SPATA13: variants seen among roughly 807,000 people sequenced by gnomAD.
SPATA13 encodes the protein spermatogenesis associated 13.
In SPATA13, 50 loss-of-function variants were observed where a neutral mutation model predicts 104.0. The ratio of observed to expected loss-of-function variants is 0.48; its 90% CI spans 0.38 to 0.61. SPATA13 has a LOEUF of 0.61. Among genes scored for constraint, SPATA13 ranks in the 20% least tolerant of loss-of-function variants. The probability of loss-of-function intolerance (pLI) is 0.00; values close to 1 mark genes in which losing one functional copy is unlikely to be tolerated. For synonymous variants in SPATA13, 606 were observed against 667.5 expected, an observed-to-expected ratio of 0.91 and a Z score of 1.42; for missense variants, 1,524 against 1,690.6, an observed-to-expected ratio of 0.90 and a Z score of 1.73.
Position 24,189,825 on chromosome 13 carries a change from A to AT in SPATA13, c.-112+28894dup, listed in dbSNP as rs1869465672. ...TATTTATATAATATATTATAAATAT[A>AT]TATAAAATGATATTTAATATATTAT... On this transcript the variant is annotated intron_variant, in intron 1 of 12. Transcript: ENST00000382108. Among the ~76,000 whole-genome samples, 2 of 49,520 alleles carry AT rather than the reference A, an allele frequency of 4.0e-5. 1 individual carries two copies. 32.5% of individuals were successfully genotyped at this position (49,520 alleles called of 152,430 possible).
At position 24,246,275 on chromosome 13, in the gene SPATA13, A is replaced by G. The variant is rs145195183; in HGVS notation, c.1654-3202A>G. Reference sequence around the variant, plus strand: ...GTAATTGGGTTTATTCTCACTATGTACTTAAGTTGTCTGTGCCATTTGATT... The same window carrying G: ...GTAATTGGGTTTATTCTCACTATGTGCTTAAGTTGTCTGTGCCATTTGATT... On this transcript the variant is annotated intron_variant, in intron 2 of 12. Transcript: ENST00000382108. 3.7e-3 allele frequency among the ~76,000 whole-genome samples: 569 copies of G among 152,298 alleles called. 3 individuals are homozygous for G. Among genetic ancestry groups the G allele is most frequent in the African/African-American group, 0.013 (545 of 41,558 alleles).
Position 24,303,120 on chromosome 13 carries a change from C to G in SPATA13, c.*347C>G. The stretch of plus-strand genomic sequence containing the variant: ...TGATGAGCAAGTGCCTGCTGCAGGT[C>G]CAAACACAGCATCCAGGGCTTTGCA... On this transcript the variant is annotated 3_prime_UTR_variant, in exon 13 of 13. Transcript: ENST00000382108. The G allele has an allele frequency of 2.6e-6, 1 of 385,068 alleles. No individual in the cohort carries two copies. The highest frequency in any genetic ancestry group is 5.0e-6 in the Non-Finnish European group (1 of 199,462). The allele number at this position is 385,068 out of a possible 1,614,324, so 23.9% of individuals were successfully genotyped here.
intron 1 of SPATA13, among the ~76,000 whole-genome samples, chr13:24,193,413 T>G (rs1176877438): frequency 6.6e-6 from 1 of 152,168 alleles, no homozygotes; most frequent in Admixed American, 6.5e-5. Flanking sequence ...GGGGGCCTGG[T>G]GAGCAGATGC....
intron 3 of SPATA13, among the ~76,000 whole-genome samples, chr13:24,092,770 A>C (rs1175095574): frequency 6.6e-6 from 1 of 152,218 alleles, no homozygotes; most frequent in Admixed American, 6.5e-5. Flanking sequence ...CTTATAAAAA[A>C]AGTAGATTTC....
At chr13:24,214,419 A>C (rs528884176) in intron 1 of SPATA13, among the ~76,000 whole-genome samples, 2 of 152,356 alleles carry the variant, frequency 1.3e-5, no homozygotes, top group East Asian at 3.8e-4. Context: ...CCATGAGAAT[A>C]ATTAATATTT....
intron 2 of SPATA13, among the ~76,000 whole-genome samples, chr13:24,237,400 G>A (rs557303367): frequency 1.6e-4 from 25 of 152,200 alleles, no homozygotes; most frequent in African/African-American, 5.8e-4. Flanking sequence ...CTGCAGCATG[G>A]CTGAACCTTG....
chr13:24,277,797 A>G (rs7982475), intron 4 of SPATA13, among the ~76,000 whole-genome samples: 39,693 of 152,034 alleles, frequency 0.26, 5,708 homozygotes, highest in African/African-American at 0.38. Context: ...GTCCTTTAAG[A>G]TGGTAAGCGA....
chr13:24,254,926 T>C (rs1873707577), intron 4 of SPATA13, among the ~76,000 whole-genome samples: 1 of 152,154 alleles, frequency 6.6e-6, no homozygotes, highest in African/African-American at 2.4e-5. Context: ...TGATGATTGA[T>C]TAGCCTCTCT....
At chr13:24,272,166 C>T (rs1273647262) in intron 4 of SPATA13, among the ~76,000 whole-genome samples, 4 of 152,280 alleles carry the variant, frequency 2.6e-5, no homozygotes, top group African/African-American at 7.2e-5. Context: ...GCAGCCAGCA[C>T]GAACGGGCAG....
chr13:24,010,743 C>T (rs1372184027), intron 2 of SPATA13, among the ~76,000 whole-genome samples: 2 of 152,016 alleles, frequency 1.3e-5, no homozygotes, highest in Non-Finnish European at 2.9e-5. Flanking sequence ...CTCCATGGGG[C>T]AATTCACCCA....
intron 1 of SPATA13, among the ~76,000 whole-genome samples, chr13:24,209,765 T>C (rs964037543): frequency 2.0e-5 from 3 of 151,920 alleles, no homozygotes; most frequent in Non-Finnish European, 4.4e-5. Flanking sequence ...TGATTTCGTT[T>C]TTTTGGATAT....
In SPATA13 at chr13:24,160,798, G is replaced by C. The variant is rs1882440271; in HGVS notation, c.-246G>C. 1.0e-6 allele frequency: 1 copy of C among 985,374 alleles called. No homozygotes were observed. The highest frequency in any genetic ancestry group is 4.7e-5 in the South Asian group (1 of 21,294). The allele number at this position is 985,374 out of a possible 1,614,324, so 61.0% of individuals were successfully genotyped here. On this transcript the variant is annotated 5_prime_UTR_variant, in exon 1 of 13. Coordinates refer to ENST00000382108, the MANE Select transcript of SPATA13 (RefSeq NM_001166271.3). The stretch of plus-strand genomic sequence containing the variant: ...TCGCCCTGCCGGTCGCTAGCTCCGA[G>C]GGCGCGCACTGGATCCCAGGCTCCT...
intron 3 of SPATA13, among the ~76,000 whole-genome samples, chr13:24,027,186 G>A (rs1268112568): frequency 6.9e-6 from 1 of 144,458 alleles, no homozygotes; most frequent in Non-Finnish European, 1.5e-5. Context: ...CCAGGCTGGA[G>A]TGCAGTGGCA....
At chr13:24,032,072 A>G (rs1195205652) in intron 3 of SPATA13, among the ~76,000 whole-genome samples, 1 of 152,200 alleles carries the variant, frequency 6.6e-6, no homozygotes, top group East Asian at 1.9e-4. Flanking sequence ...AAGTCAGTTT[A>G]GTAAGAACAC....
At chr13:23,991,243 CT>C (rs1186796021) in intron 2 of SPATA13, among the ~76,000 whole-genome samples, 2 of 152,192 alleles carry the variant, frequency 1.3e-5, no homozygotes, top group Non-Finnish European at 2.9e-5. Context: ...CCTGTGCTGT[CT>C]TTTCTTTGTA....
Position 24,051,015 on chromosome 13 carries a change from G to C in SPATA13, c.-112+33314G>C, listed in dbSNP as rs555269972. Among the ~76,000 whole-genome samples the C allele has an allele frequency of 6.6e-6, 1 of 152,220 alleles. No individual in the cohort carries two copies. The highest frequency in any genetic ancestry group is 1.5e-5 in the Non-Finnish European group (1 of 68,040). On this transcript the variant is annotated intron_variant, in intron 3 of 14. Coordinates refer to the SPATA13 transcript ENST00000424834. The surrounding 1 kb of genome is among the most constrained non-coding windows in gnomAD (Gnocchi z 4.2). ...GTTTTTGCAGGTGAGTGTACTGTGAGCTAAGCAGGCTATAGACCCATATCT... is the reference window on the plus strand; with the variant it reads ...GTTTTTGCAGGTGAGTGTACTGTGACCTAAGCAGGCTATAGACCCATATCT...
chr13:24,037,292 T>C (rs1593292059), intron 3 of SPATA13, among the ~76,000 whole-genome samples: 1 of 151,624 alleles, frequency 6.6e-6, no homozygotes, highest in East Asian at 1.9e-4. Flanking sequence ...ACATGGCACA[T>C]GTATACATAT....
intron 2 of SPATA13, among the ~76,000 whole-genome samples, chr13:24,001,303 C>T (rs900766346): frequency 1.1e-4 from 17 of 152,122 alleles, no homozygotes; most frequent in African/African-American, 3.4e-4. Context: ...GACGCCTCTG[C>T]GCTAAGGTCA....
chr13:24,131,130 A>G (rs1476174800), intron 3 of SPATA13, among the ~76,000 whole-genome samples: 1 of 152,266 alleles, frequency 6.6e-6, no homozygotes, highest in Non-Finnish European at 1.5e-5. Flanking sequence ...AATTATAAAA[A>G]TGCTTTGAAC....
Sources: allele counts gnomAD v4.1 joint callset (sites outside exome capture counted in the v4.1 genomes callset), GRCh38; gene constraint gnomAD v4.1.1; non-coding constraint Gnocchi (gnomAD v3.1); transcripts MANE v1.5; gene names NCBI Gene and HGNC (gene_info 2026-07-23, HGNC 2026-07-21).